The following RFTN1 variants were observed in gnomAD, a reference collection of about 807,000 sequenced individuals.
RFTN1 encodes the protein raftlin.
In RFTN1, 26 loss-of-function variants were observed where a neutral mutation model predicts 46.5. The ratio of observed to expected loss-of-function variants is 0.56; its 90% CI spans 0.41 to 0.78. The LOEUF (loss-of-function observed/expected upper bound fraction) is 0.78, where lower values mean the gene tolerates loss of function less well. Among genes scored for constraint, RFTN1 ranks in the 30% least tolerant of loss-of-function variants. RFTN1 has a pLI of 0.00. For missense variants in RFTN1, 693 were observed against 718.7 expected (o/e 0.96, Z 0.41); for synonymous variants, 261 against 284.2 (o/e 0.92, Z 0.82).
intron 4 of RFTN1, among the ~76,000 whole-genome samples, chr3:16,408,144 C>T (rs890105582): frequency 6.6e-6 from 1 of 152,116 alleles, no homozygotes; most frequent in East Asian, 1.9e-4. Flanking sequence ...CTTTTGATTC[C>T]CCTCACTCCC....
In RFTN1 at chr3:16,473,403, T is replaced by A. The variant is rs1467511603; in HGVS notation, c.145+20322A>T. ...AATACTCTGTTTTCTTTCTTTTTTC[T>A]TTTTTTTTTTTTCCTGAGATAGAGT... On this transcript the variant is annotated intron_variant, in intron 2 of 9. Transcript: ENST00000334133. The surrounding 1 kb of genome is among the most constrained non-coding windows in gnomAD (Gnocchi z 5.3). 8.4e-6 allele frequency among the ~76,000 whole-genome samples: 1 copy of A among 118,650 alleles called. No homozygotes were observed. The highest frequency in any genetic ancestry group is 3.1e-4 in the East Asian group (1 of 3,196). 77.8% of individuals were successfully genotyped at this position (118,650 alleles called of 152,430 possible).
In RFTN1 at chr3:16,428,847, C is replaced by G. The variant is rs1559342336; in HGVS notation, c.332+5004G>C. Among the ~76,000 whole-genome samples, 1 of 152,132 alleles carries G rather than the reference C, an allele frequency of 6.6e-6. No individual in the cohort carries two copies. Among genetic ancestry groups the G allele is most frequent in the Non-Finnish European group, 1.5e-5 (1 of 68,014 alleles). The stretch of plus-strand genomic sequence containing the variant: ...GAAGTGACGTTTTAATAACTGACTT[C>G]TGTTAGCCATCAAGTTTCAAGATCT... On this transcript the variant is annotated intron_variant, in intron 3 of 9. Transcript: ENST00000334133. This position sits in a 1 kb window ranked among gnomAD's most constrained non-coding sequence, Gnocchi z 4.7.
intron 7 of RFTN1, among the ~76,000 whole-genome samples, chr3:16,350,926 A>C (rs2072054214): frequency 6.6e-6 from 1 of 152,224 alleles, no homozygotes; most frequent in Admixed American, 6.5e-5. Flanking sequence ...TCTAGAAACC[A>C]TAGAAATTGA....
chr3:16,345,635 T>C lies in RFTN1; in HGVS notation c.1146+12297A>G, dbSNP rs956018580. On this transcript the variant is annotated intron_variant, in intron 7 of 9. Coordinates refer to ENST00000334133, the MANE Select transcript of RFTN1 (RefSeq NM_015150.2). This position sits in a 1 kb window ranked among gnomAD's most constrained non-coding sequence, Gnocchi z 5.2. ...CCTTGTTGCTCCTGGTTCTCAGGGC[T>C]TGGGACCTGGACTGGAGTCCACACC... 3.9e-5 allele frequency among the ~76,000 whole-genome samples: 6 copies of C among 152,076 alleles called. No individual in the cohort carries two copies. The highest frequency in any genetic ancestry group is 6.5e-5 in the Admixed American group (1 of 15,268).
chr3:16,511,761 G>A (rs189762079), intron 1 of RFTN1, among the ~76,000 whole-genome samples: 16 of 152,090 alleles, frequency 1.1e-4, no homozygotes, highest in Admixed American at 9.2e-4. Context: ...TTGAATGTAA[G>A]CCAAAAATTC....
intron 4 of RFTN1, among the ~76,000 whole-genome samples, chr3:16,392,487 C>T (rs2074374650): frequency 6.6e-6 from 1 of 152,116 alleles, no homozygotes; most frequent in Non-Finnish European, 1.5e-5. Flanking sequence ...TCAACCTGTG[C>T]TGTAAACCAG....
At chr3:16,390,787 A>G (rs1471210854) in intron 4 of RFTN1, among the ~76,000 whole-genome samples, 1 of 152,250 alleles carries the variant, frequency 6.6e-6, no homozygotes, top group Non-Finnish European at 1.5e-5. Flanking sequence ...AGTTAGTCAG[A>G]GTAGACACTG....
chr3:16,439,307 G>A (rs544541202), intron 2 of RFTN1, among the ~76,000 whole-genome samples: 34 of 152,288 alleles, frequency 2.2e-4, no homozygotes, highest in Middle Eastern at 6.8e-3. Flanking sequence ...TCTCCACTTG[G>A]ATGGACATAC....
In RFTN1 at chr3:16,498,565, G is replaced by A. The variant is rs1342230754; in HGVS notation, c.-8-4688C>T. Among the ~76,000 whole-genome samples the A allele has an allele frequency of 6.6e-6, 1 of 152,230 alleles. No individual in the cohort carries two copies. The highest frequency in any genetic ancestry group is 1.5e-5 in the Non-Finnish European group (1 of 68,032). Reference sequence around the variant, plus strand: ...GAATCCTTGAATCTCAAATTTTAGAGACTGATTTCTCTGGAGTGCGTGCAA... The same window carrying A: ...GAATCCTTGAATCTCAAATTTTAGAAACTGATTTCTCTGGAGTGCGTGCAA... On this transcript the variant is annotated intron_variant, in intron 1 of 9. Transcript: ENST00000334133. This position sits in a 1 kb window ranked among gnomAD's most constrained non-coding sequence, Gnocchi z 5.2.
chr3:16,347,149 C>G, intron 7 of RFTN1, among the ~76,000 whole-genome samples: 1 of 152,316 alleles, frequency 6.6e-6, no homozygotes, highest in African/African-American at 2.4e-5. Flanking sequence ...TGATGAAAAT[C>G]CCACTATGGC....
In RFTN1 at chr3:16,474,181, A is replaced by C. The variant is rs567092970; in HGVS notation, c.145+19544T>G. Among the ~76,000 whole-genome samples, 1 of 152,338 alleles carries C rather than the reference A, an allele frequency of 6.6e-6. No individual in the cohort carries two copies. Among genetic ancestry groups the C allele is most frequent in the Admixed American group, 6.5e-5 (1 of 15,306 alleles). On this transcript the variant is annotated intron_variant, in intron 2 of 9. Transcript: ENST00000334133. This position sits in a 1 kb window ranked among gnomAD's most constrained non-coding sequence, Gnocchi z 5.5. ...AGGGGTCTAACCAATGCCTTTTCTG[A>C]TGACTTTATTCAATTCTAACAACGC...
intron 2 of RFTN1, among the ~76,000 whole-genome samples, chr3:16,469,613 G>A (rs553900221): frequency 2.8e-4 from 43 of 152,336 alleles, no homozygotes; most frequent in Non-Finnish European, 4.0e-4. Flanking sequence ...ATGGTAGGGC[G>A]TGCTCCACAG....
intron 4 of RFTN1, among the ~76,000 whole-genome samples, chr3:16,394,246 G>A (rs1022589035): frequency 1.3e-5 from 2 of 152,038 alleles, no homozygotes; most frequent in South Asian, 2.1e-4. Flanking sequence ...GTGTGGTGGT[G>A]CACACCCGTA....
At chr3:16,357,153 CAA>C (rs936303579) in intron 7 of RFTN1, among the ~76,000 whole-genome samples, 19 of 114,996 alleles carry the variant, frequency 1.7e-4, no homozygotes, top group South Asian at 2.8e-4. Flanking sequence ...AACAAACAAA[CAA>C]AAAAAACCAA....
At position 16,434,057 on chromosome 3, in the gene RFTN1, G is replaced by A. The variant is rs1575284743; in HGVS notation, c.146-20C>T. The A allele has an allele frequency of 1.3e-6, 2 of 1,555,756 alleles. No homozygotes were observed. Among genetic ancestry groups the A allele is most frequent in the African/African-American group, 1.4e-5 (1 of 73,408 alleles). On this transcript the variant is annotated intron_variant, in intron 2 of 9. Transcript: ENST00000334133. Reference sequence around the variant, plus strand: ...GCTCCGCTGGAGTGGAGAGAGGAGAGGCTCATCAAAGACCCATCACAACGC... The same window carrying A: ...GCTCCGCTGGAGTGGAGAGAGGAGAAGCTCATCAAAGACCCATCACAACGC...
intron 3 of RFTN1, among the ~76,000 whole-genome samples, chr3:16,420,364 C>T (rs1185661334): frequency 1.3e-5 from 2 of 152,156 alleles, no homozygotes; most frequent in South Asian, 2.1e-4. Flanking sequence ...AATATTTTAT[C>T]ACAAATAGAA....
intron 7 of RFTN1, among the ~76,000 whole-genome samples, chr3:16,357,120 AAAAAAAAAC>A (rs1195228671): frequency 1.1e-5 from 1 of 90,450 alleles, no homozygotes; most frequent in African/African-American, 5.8e-5. Context: ...ATCTCAAAAA[AAAAAAAAAC>A]AAAAAAACAA....
rs2075315595 is a variant in RFTN1, at chr3:16,427,939, G to C, written c.332+5912C>G. Among the ~76,000 whole-genome samples the C allele has an allele frequency of 6.6e-6, 1 of 152,094 alleles. No individual in the cohort carries two copies. Among genetic ancestry groups the C allele is most frequent in the South Asian group, 2.1e-4 (1 of 4,830 alleles). On this transcript the variant is annotated intron_variant, in intron 3 of 9. Coordinates refer to ENST00000334133, the MANE Select transcript of RFTN1 (RefSeq NM_015150.2). The surrounding 1 kb of genome is among the most constrained non-coding windows in gnomAD (Gnocchi z 5.4). The stretch of plus-strand genomic sequence containing the variant: ...CAGCCGCAGAGCCTCCTCTTCTAAA[G>C]CACTCTCATTAACAAATTCCAGGTT...
chr3:16,365,551 C>A (rs1420881225), intron 6 of RFTN1, among the ~76,000 whole-genome samples: 3 of 151,998 alleles, frequency 2.0e-5, no homozygotes, highest in Admixed American at 2.0e-4. Context: ...GGTATAAATA[C>A]CCATACAAAG....
Sources: gnomAD v4.1 joint callset for allele counts (sites outside exome capture counted in the v4.1 genomes callset) on GRCh38, gnomAD v4.1.1 for gene constraint, Gnocchi (gnomAD v3.1) non-coding constraint, MANE v1.5 for transcripts, NCBI Gene and HGNC (gene_info 2026-07-23, HGNC 2026-07-21) for gene names.